The following RAB28 variants were observed in gnomAD, a reference collection of about 807,000 sequenced individuals.
The protein encoded by RAB28 is ras-related protein Rab-28.
In RAB28, 24 loss-of-function variants were observed where a neutral mutation model predicts 31.7. That is an observed-to-expected ratio of 0.76 (90% confidence interval 0.55 to 1.06). The LOEUF (loss-of-function observed/expected upper bound fraction) is 1.06. Among genes scored for constraint, RAB28 ranks in the 50% least tolerant of loss-of-function variants. RAB28 has a pLI of 0.00. For missense variants in RAB28, 254 were observed against 258.5 expected (o/e 0.98, Z 0.12); for synonymous variants, 100 against 90.4 (o/e 1.11, Z -0.60).
intron 4 of RAB28, among the ~76,000 whole-genome samples, chr4:13,433,397 A>T (rs537690678): frequency 6.6e-6 from 1 of 152,210 alleles, no homozygotes; most frequent in Non-Finnish European, 1.5e-5. Flanking sequence ...AAAATTTTGC[A>T]CACTATGTAT....
At chr4:13,458,130 A>G (rs917318766) in intron 4 of RAB28, among the ~76,000 whole-genome samples, 3 of 152,190 alleles carry the variant, frequency 2.0e-5, no homozygotes, top group Non-Finnish European at 4.4e-5. Context: ...ATCATTTGCA[A>G]AACAAATGAG....
intron 4 of RAB28, among the ~76,000 whole-genome samples, chr4:13,408,696 G>A (rs1236594300): frequency 2.0e-5 from 3 of 152,152 alleles, no homozygotes; most frequent in East Asian, 3.8e-4. Context: ...GTGATTGGCT[G>A]TATGAGATGC....
At chr4:13,466,946 A>C (rs1405941238) in intron 3 of RAB28, among the ~76,000 whole-genome samples, 2 of 152,030 alleles carry the variant, frequency 1.3e-5, no homozygotes, top group Non-Finnish European at 2.9e-5. Flanking sequence ...CAAATGTTGC[A>C]TGTTCTCACT....
At chr4:13,396,402 AATTT>A (rs1228617395) in intron 4 of RAB28, among the ~76,000 whole-genome samples, 1 of 152,046 alleles carries the variant, frequency 6.6e-6, no homozygotes. Context: ...GAAATACATT[AATTT>A]GATTGTGAGC....
chr4:13,459,980 G>C, intron 4 of RAB28: 1 of 1,124,634 alleles, frequency 8.9e-7, no homozygotes, highest in Non-Finnish European at 1.2e-6. Flanking sequence ...CACAGGAATT[G>C]ACCAAAGCAG....
At chr4:13,419,167 T>C (rs545948219) in intron 4 of RAB28, among the ~76,000 whole-genome samples, 2 of 151,784 alleles carry the variant, frequency 1.3e-5, no homozygotes, top group East Asian at 3.9e-4. Context: ...CATTACATAA[T>C]GGTAAAGGGA....
rs1716752900 is a variant in RAB28 at position 13,484,106 on chromosome 4, G to C, written c.45C>G (p.Ile15Met). 1.2e-6 allele frequency: 2 copies of C among 1,602,534 alleles called. No homozygotes were observed. The highest frequency in any genetic ancestry group is 1.1e-5 in the South Asian group (1 of 89,094). Residue 15 changes from isoleucine to methionine, a missense_variant, in exon 1 of 7, where the codon ATC becomes ATG. Ile to Met is a conservative substitution (Grantham distance 10, BLOSUM62 1). Coordinates refer to ENST00000330852, the MANE Select transcript of RAB28 (RefSeq NM_001017979.3). ...EEESQDRQLK[I>M]VVLGDGASGK... is the part of the protein sequence containing the mutation. ...CGGAGGCGCCGTCCCCCAGCACGAC[G>C]ATTTTCAGTTGCCGGTCCTGGCTCT... is the stretch of plus-strand genomic sequence containing the variant.
intron 6 of RAB28, among the ~76,000 whole-genome samples, chr4:13,369,606 C>T (rs1728639395): frequency 6.6e-6 from 1 of 152,074 alleles, no homozygotes; most frequent in South Asian, 2.1e-4. Flanking sequence ...CACTTCACTG[C>T]ACATGTAATA....
chr4:13,475,633 A>C (rs1716327582), intron 2 of RAB28, among the ~76,000 whole-genome samples: 3 of 151,626 alleles, frequency 2.0e-5, no homozygotes, highest in Non-Finnish European at 4.4e-5. Flanking sequence ...CACTGCGCAG[A>C]GGATTTCCAT....
At position 13,447,959 on chromosome 4, in the gene RAB28, T is replaced by A. The variant is rs923087727; in HGVS notation, c.391+12740A>T. Among the ~76,000 whole-genome samples the A allele has an allele frequency of 5.3e-5, 8 of 152,178 alleles. 1 individual carries two copies. The highest frequency in any genetic ancestry group is 1.7e-4 in the African/African-American group (7 of 41,448). On this transcript the variant is annotated intron_variant, in intron 4 of 6. Transcript: ENST00000330852. ...TTAAAACTAAACATAGTTTGGGTCATCAAATTTTAGGAGTCAAAGATGCTT... is the reference window on the plus strand; with the variant it reads ...TTAAAACTAAACATAGTTTGGGTCAACAAATTTTAGGAGTCAAAGATGCTT...
At chr4:13,417,093 A>G (rs1712827704) in intron 4 of RAB28, among the ~76,000 whole-genome samples, 1 of 152,206 alleles carries the variant, frequency 6.6e-6, no homozygotes, top group Non-Finnish European at 1.5e-5. Context: ...TATCCTGCAC[A>G]TGGCTCGGCA....
intron 4 of RAB28, among the ~76,000 whole-genome samples, chr4:13,449,762 G>A (rs73231509): frequency 0.038 from 5,765 of 151,908 alleles, 190 homozygotes; most frequent in African/African-American, 0.087. Flanking sequence ...CATCCACTCT[G>A]TACTGGAGCA....
intron 4 of RAB28, among the ~76,000 whole-genome samples, chr4:13,404,269 T>A (rs1245112105): frequency 2.0e-5 from 3 of 152,084 alleles, no homozygotes; most frequent in Non-Finnish European, 4.4e-5. Flanking sequence ...TCCCAGCTAC[T>A]TGGGAGGCTG....
At chr4:13,406,922 C>T (rs532154197) in intron 4 of RAB28, among the ~76,000 whole-genome samples, 1 of 152,228 alleles carries the variant, frequency 6.6e-6, no homozygotes, top group African/African-American at 2.4e-5. Flanking sequence ...GATAGATTTG[C>T]AAAAATTTTC....
intron 4 of RAB28, among the ~76,000 whole-genome samples, chr4:13,387,804 A>C (rs1027460609): frequency 9.2e-5 from 14 of 152,106 alleles, no homozygotes; most frequent in Non-Finnish European, 1.9e-4. Context: ...TGAAAATACA[A>C]TTCTGAAAAT....
intron 4 of RAB28, among the ~76,000 whole-genome samples, chr4:13,449,013 A>G (rs1039821081): frequency 5.3e-5 from 8 of 151,998 alleles, no homozygotes; most frequent in African/African-American, 1.9e-4. Context: ...CTGGAACAAA[A>G]AAGAAGCAAA....
chr4:13,470,079 A>C (rs1323798668), intron 3 of RAB28, among the ~76,000 whole-genome samples: 1 of 152,082 alleles, frequency 6.6e-6, no homozygotes, highest in Non-Finnish European at 1.5e-5. Flanking sequence ...TCAGTGTAAC[A>C]CGTACTAAAT....
intron 4 of RAB28, among the ~76,000 whole-genome samples, chr4:13,427,566 A>G (rs926759032): frequency 9.2e-5 from 14 of 152,106 alleles, no homozygotes; most frequent in African/African-American, 3.1e-4. Context: ...TGTGCAGCGC[A>G]AATTACCAAA....
At chr4:13,458,041 G>A (rs984361811) in intron 4 of RAB28, among the ~76,000 whole-genome samples, 10 of 152,020 alleles carry the variant, frequency 6.6e-5, no homozygotes, top group Admixed American at 2.0e-4. Context: ...GAAACAGAAC[G>A]TAAGCTCATC....
Sources: allele counts gnomAD v4.1 joint callset (sites outside exome capture counted in the v4.1 genomes callset), GRCh38; gene constraint gnomAD v4.1.1; transcripts MANE v1.5; gene names NCBI Gene and HGNC (gene_info 2026-07-23, HGNC 2026-07-21).